The following MBOAT1 variants were observed in gnomAD, a reference collection of about 807,000 sequenced individuals.
MBOAT1 encodes membrane bound glycerophospholipid O-acyltransferase 1.
A neutral mutation model predicts 64.4 loss-of-function variants in MBOAT1; 67 were observed. The observed-to-expected ratio is 1.04, with a 90% confidence interval of 0.85 to 1.27. MBOAT1 has a LOEUF of 1.27. Ranked by LOEUF, MBOAT1 falls within the 50% of genes most tolerant of loss-of-function variation. The pLI is 0.00. For synonymous variants in MBOAT1, 229 were observed against 218.9 expected (o/e 1.05, Z -0.41); for missense variants, 563 against 604.6 (o/e 0.93, Z 0.72).
At position 20,142,983 on chromosome 6, in the gene MBOAT1, C is replaced by T. The variant is rs141836011; in HGVS notation, c.419+1237G>A. On this transcript the variant is annotated intron_variant, in intron 4 of 12. Transcript: ENST00000324607. ...AACAACACTCTTTACCTTCCTGAGC[C>T]CTTTCAAGGTGGGACAGTTGAGTTG... 1.3e-3 allele frequency among the ~76,000 whole-genome samples: 193 copies of T among 152,264 alleles called. 2 individuals are homozygous for T. The highest frequency in any genetic ancestry group is 4.2e-3 in the African/African-American group (173 of 41,542).
intron 12 of MBOAT1, among the ~76,000 whole-genome samples, chr6:20,107,672 C>T (rs1427106350): frequency 2.0e-5 from 3 of 152,028 alleles, no homozygotes; most frequent in African/African-American, 7.2e-5. Context: ...ATGCCTAGCA[C>T]ACTACAGGTA....
At chr6:20,188,964 C>A (rs1762730390) in intron 1 of MBOAT1, among the ~76,000 whole-genome samples, 1 of 152,156 alleles carries the variant, frequency 6.6e-6, no homozygotes, top group South Asian at 2.1e-4. Context: ...CCTCTCAGTT[C>A]CTGAGGGGTA....
At chr6:20,131,223 C>A in intron 4 of MBOAT1, 24 bp from the exon 5 acceptor site, 2 of 1,606,492 alleles carry the variant, frequency 1.2e-6, no homozygotes, top group South Asian at 1.1e-5. Flanking sequence ...AGAAAATAAT[C>A]AAGATTGGCA....
Position 20,153,114 on chromosome 6 carries a change from G to A in MBOAT1, c.100-345C>T, listed in dbSNP as rs138186863. On this transcript the variant is annotated intron_variant, in intron 1 of 12. Coordinates refer to ENST00000324607, the MANE Select transcript of MBOAT1 (RefSeq NM_001080480.3). ...CTCCCAAAGTGCTGGGATTACAGGC[G>A]TGAGCCACCGCGCCCAGCCTTGCTC... Among the ~76,000 whole-genome samples, 1,408 of 152,298 alleles carry A rather than the reference G, an allele frequency of 9.2e-3. 19 individuals carry two copies. The highest frequency in any genetic ancestry group is 0.031 in the African/African-American group (1,276 of 41,564).
At chr6:20,205,033 T>C (rs894172509) in intron 1 of MBOAT1, among the ~76,000 whole-genome samples, 4 of 151,930 alleles carry the variant, frequency 2.6e-5, no homozygotes, top group Non-Finnish European at 5.9e-5. Context: ...CACATCTCTA[T>C]AAAAAATACA....
intron 12 of MBOAT1, among the ~76,000 whole-genome samples, chr6:20,106,579 T>G (rs1490015030): frequency 6.6e-6 from 1 of 152,140 alleles, no homozygotes; most frequent in East Asian, 1.9e-4. Flanking sequence ...CATGCCACCA[T>G]GCCCAGCTAC....
rs529130496 is a variant in MBOAT1 at position 20,124,591 on chromosome 6, T to C, written c.724A>G (p.Ile242Val). 71 of 1,613,934 alleles carry C rather than the reference T, an allele frequency of 4.4e-5. 1 individual carries two copies. The highest frequency in any genetic ancestry group is 2.0e-4 in the African/African-American group (15 of 75,040). Residue 242 changes from isoleucine (I) to valine (V), a missense_variant, in exon 8 of 13, where the codon ATA becomes GTA. Coordinates refer to ENST00000324607, the MANE Select transcript of MBOAT1 (RefSeq NM_001080480.3). ...LPEPSPTGAV[I>V]HKLGITLVSL... ...ACCAAGGTGATGCCCAACTTGTGTA[T>C]CACAGCTCCCTGAAAATGGGGAAAA...
At chr6:20,129,332 T>C (rs1044958545) in intron 5 of MBOAT1, among the ~76,000 whole-genome samples, 2 of 152,226 alleles carry the variant, frequency 1.3e-5, no homozygotes, top group Non-Finnish European at 2.9e-5. Flanking sequence ...TTATCATTCG[T>C]CCGAATCAGA....
Position 20,212,415 on chromosome 6 carries a change from G to C in MBOAT1, c.-181C>G. 1 of 609,186 alleles carries C rather than the reference G, an allele frequency of 1.6e-6. No homozygotes were observed. Among genetic ancestry groups the C allele is most frequent in the Non-Finnish European group, 2.8e-6 (1 of 353,746 alleles). 37.7% of individuals were successfully genotyped at this position (609,186 alleles called of 1,614,324 possible). A position where few individuals can be genotyped will look rare whatever the true frequency, so the allele number is the denominator to read the frequency against. On this transcript the variant is annotated 5_prime_UTR_variant, in exon 1 of 13. Transcript: ENST00000324607. ...GCAAACTCTCGAGGCGCAAACTCTCGAGGCGCAAACTTGGCTTTGGCGCTG... is the reference window on the plus strand; with the variant it reads ...GCAAACTCTCGAGGCGCAAACTCTCCAGGCGCAAACTTGGCTTTGGCGCTG...
At position 20,184,199 on chromosome 6, in the gene MBOAT1, G is replaced by A. The variant is rs146595722; in HGVS notation, c.99+27937C>T. Reference sequence around the variant, plus strand: ...AAGCAAGAGGGGCAGGAAGAGGCAGGGACCTGCATCAGGCCCACCCATGAG... The same window carrying A: ...AAGCAAGAGGGGCAGGAAGAGGCAGAGACCTGCATCAGGCCCACCCATGAG... On this transcript the variant is annotated intron_variant, in intron 1 of 12. Transcript: ENST00000324607. Among the ~76,000 whole-genome samples the A allele has an allele frequency of 1.2e-3, 190 of 152,284 alleles. 2 individuals are homozygous for A. The highest frequency in any genetic ancestry group is 4.0e-3 in the African/African-American group (166 of 41,560).
rs537832838 is a variant in MBOAT1 at position 20,159,347 on chromosome 6, A to G, written c.100-6578T>C. On this transcript the variant is annotated intron_variant, in intron 1 of 12. Coordinates refer to ENST00000324607, the MANE Select transcript of MBOAT1 (RefSeq NM_001080480.3). ...AGATTCTCATAGGAGTGTACACCCT[A>G]TGAGAACTATAGCCAAGATATGGAA... 2.0e-5 allele frequency among the ~76,000 whole-genome samples: 3 copies of G among 152,274 alleles called. No homozygotes were observed. The South Asian group carries it at 6.2e-4, about 32-fold the overall frequency.
At chr6:20,115,995 GA>G (rs11448466) in intron 9 of MBOAT1, among the ~76,000 whole-genome samples, 4 of 146,988 alleles carry the variant, frequency 2.7e-5, no homozygotes, top group South Asian at 4.3e-4. Context: ...TTTCTCATTA[GA>G]AAAAAAAAAA....
intron 1 of MBOAT1, among the ~76,000 whole-genome samples, chr6:20,200,430 T>C (rs143284120): frequency 2.0e-4 from 30 of 152,276 alleles, no homozygotes; most frequent in Admixed American, 8.5e-4. Flanking sequence ...CAGAGCCAAA[T>C]TGGTCTTAAA....
chr6:20,197,070 G>A (rs1489618034), intron 1 of MBOAT1, among the ~76,000 whole-genome samples: 2 of 152,010 alleles, frequency 1.3e-5, no homozygotes, highest in Non-Finnish European at 2.9e-5. Flanking sequence ...GATAACACTG[G>A]GGTAACCAGG....
intron 12 of MBOAT1, among the ~76,000 whole-genome samples, chr6:20,108,983 G>T (rs753260303): frequency 1.3e-4 from 20 of 152,218 alleles, no homozygotes; most frequent in Non-Finnish European, 2.9e-4. Context: ...ACATAACTGT[G>T]AAAGAATAAA....
intron 1 of MBOAT1, among the ~76,000 whole-genome samples, chr6:20,164,159 G>C (rs1761944633): frequency 7.1e-6 from 1 of 141,106 alleles, no homozygotes; most frequent in African/African-American, 2.6e-5. Flanking sequence ...ATTTAATATA[G>C]AATGTATGTG....
intron 1 of MBOAT1, among the ~76,000 whole-genome samples, chr6:20,179,876 CATT>C (rs878940093): frequency 3.9e-5 from 6 of 152,184 alleles, no homozygotes; most frequent in Admixed American, 3.9e-4. Flanking sequence ...GATGCTATCT[CATT>C]GTGGTTTCGA....
chr6:20,147,747 T>C (rs1472503643), intron 3 of MBOAT1, among the ~76,000 whole-genome samples: 2 of 152,212 alleles, frequency 1.3e-5, no homozygotes, highest in Non-Finnish European at 2.9e-5. Context: ...TGAGCTTTTA[T>C]TGTCTCATTT....
chr6:20,188,244 T>C (rs1445213602), intron 1 of MBOAT1, among the ~76,000 whole-genome samples: 1 of 152,266 alleles, frequency 6.6e-6, no homozygotes, highest in South Asian at 2.1e-4. Flanking sequence ...AGTTGCCTAA[T>C]CATCATGGGA....
Sources: gnomAD v4.1 joint callset for allele counts (sites outside exome capture counted in the v4.1 genomes callset) on GRCh38, gnomAD v4.1.1 for gene constraint, MANE v1.5 for transcripts, NCBI Gene and HGNC (gene_info 2026-07-23, HGNC 2026-07-21) for gene names.